Variants in SPOCK1 observed in about 807,000 individuals in gnomAD.
SPOCK1 encodes testican-1.
SPOCK1 carries 23 observed loss-of-function variants against 55.3 expected under a neutral mutation model. That is an observed-to-expected ratio of 0.42 (90% CI 0.30 to 0.59). The LOEUF (loss-of-function observed/expected upper bound fraction) is 0.59. Among genes scored for constraint, SPOCK1 ranks in the 20% least tolerant of loss-of-function variants. SPOCK1 has a pLI of 0.22. For synonymous variants in SPOCK1, 226 were observed against 221.0 expected, an observed-to-expected ratio of 1.02 and a Z score of -0.20; for missense variants, 499 against 552.5, an observed-to-expected ratio of 0.90 and a Z score of 0.97.
intron 5 of SPOCK1, among the ~76,000 whole-genome samples, chr5:137,075,173 C>T (rs1015557979): frequency 1.7e-4 from 26 of 152,300 alleles, no homozygotes; most frequent in African/African-American, 6.3e-4. Context: ...GCATTCATTG[C>T]ATTATTCTTT....
At chr5:137,175,679 AG>A (rs1754839688) in intron 3 of SPOCK1, among the ~76,000 whole-genome samples, 1 of 152,212 alleles carries the variant, frequency 6.6e-6, no homozygotes, top group Admixed American at 6.5e-5. Context: ...AAATAATTAT[AG>A]CTATCTCGCT....
At chr5:137,067,623 G>C in intron 6 of SPOCK1, 92 bp downstream of exon 6, 3 of 1,094,660 alleles carry the variant, frequency 2.7e-6, no homozygotes, top group Non-Finnish European at 4.1e-6. Context: ...TCTCCAGTTT[G>C]TTCCTAGTGC....
intron 2 of SPOCK1, among the ~76,000 whole-genome samples, chr5:137,476,376 G>A (rs545197607): frequency 1.2e-4 from 18 of 152,226 alleles, no homozygotes; most frequent in South Asian, 1.0e-3. Flanking sequence ...TACCCTTTTC[G>A]AAATATTTTG....
intron 3 of SPOCK1, among the ~76,000 whole-genome samples, chr5:137,242,508 A>G (rs1300927946): frequency 6.6e-6 from 1 of 152,174 alleles, no homozygotes; most frequent in African/African-American, 2.4e-5. Flanking sequence ...TTTTCTTTAT[A>G]AATTACCTAG....
intron 3 of SPOCK1, among the ~76,000 whole-genome samples, chr5:137,160,365 AATAT>A (rs1453923698): frequency 7.5e-6 from 1 of 133,426 alleles, no homozygotes; most frequent in African/African-American, 2.8e-5. Context: ...TAAATATATA[AATAT>A]ATAAAATATT....
chr5:137,433,847 T>C (rs905057208), intron 2 of SPOCK1, among the ~76,000 whole-genome samples: 2 of 151,398 alleles, frequency 1.3e-5, no homozygotes, highest in Admixed American at 6.6e-5. Context: ...GCAAGTACAC[T>C]AGCACAAATA....
chr5:137,344,769 G>A (rs1440594007), intron 2 of SPOCK1, among the ~76,000 whole-genome samples: 1 of 152,186 alleles, frequency 6.6e-6, no homozygotes, highest in Admixed American at 6.5e-5. Flanking sequence ...CAGGTTTCTG[G>A]ATTCTACCGA....
At chr5:137,477,908 T>C (rs1186243203) in intron 2 of SPOCK1, among the ~76,000 whole-genome samples, 1 of 152,228 alleles carries the variant, frequency 6.6e-6, no homozygotes, top group Admixed American at 6.5e-5. Context: ...GTCAACTTGC[T>C]GGCTGCTGAG....
intron 3 of SPOCK1, among the ~76,000 whole-genome samples, chr5:137,154,993 C>G (rs1754387864): frequency 2.0e-5 from 3 of 152,192 alleles, no homozygotes; most frequent in African/African-American, 7.2e-5. Context: ...CACTGTGTGA[C>G]CTTGGGCAAG....
intron 6 of SPOCK1, among the ~76,000 whole-genome samples, chr5:137,040,531 A>G (rs1751976281): frequency 6.6e-6 from 1 of 152,242 alleles, no homozygotes; most frequent in Non-Finnish European, 1.5e-5. Context: ...GACGTTTAGC[A>G]ATACCCAATT....
intron 4 of SPOCK1, among the ~76,000 whole-genome samples, chr5:137,114,581 C>T (rs779296941): frequency 2.1e-4 from 32 of 152,142 alleles, no homozygotes; most frequent in Non-Finnish European, 4.6e-4. Flanking sequence ...ATCAAACATA[C>T]GGTACTCTTT....
At chr5:137,030,888 T>C (rs887128110) in intron 6 of SPOCK1, among the ~76,000 whole-genome samples, 1 of 152,144 alleles carries the variant, frequency 6.6e-6, no homozygotes, top group African/African-American at 2.4e-5. Flanking sequence ...CCCTTTAAAA[T>C]CAATTCCTCA....
chr5:137,067,498 C>G (rs989621062), intron 6 of SPOCK1, among the ~76,000 whole-genome samples: 5 of 152,182 alleles, frequency 3.3e-5, no homozygotes, highest in African/African-American at 1.2e-4. Flanking sequence ...TAGTGGATAT[C>G]CTGGTCTAAC....
chr5:137,067,954 C>T (rs1752542486), intron 5 of SPOCK1, 125 bp from the exon 6 acceptor site: 3 of 688,660 alleles, frequency 4.4e-6, no homozygotes, highest in Non-Finnish European at 7.6e-6. Flanking sequence ...AGGTCGACCT[C>T]AGGTAGAGGT....
intron 2 of SPOCK1, among the ~76,000 whole-genome samples, chr5:137,271,530 G>A (rs1370197589): frequency 1.3e-5 from 2 of 151,832 alleles, no homozygotes; most frequent in African/African-American, 4.8e-5. Context: ...AAATATTCTT[G>A]CTATAATTTG....
At chr5:137,162,271 G>A (rs947228353) in intron 3 of SPOCK1, among the ~76,000 whole-genome samples, 24 of 151,614 alleles carry the variant, frequency 1.6e-4, no homozygotes, top group Non-Finnish European at 3.4e-4. Flanking sequence ...CCGACTAGCT[G>A]GGGCTACAGG....
In SPOCK1 at chr5:137,391,996, C is replaced by T. The variant is rs553389801; in HGVS notation, c.186+106377G>A. Among the ~76,000 whole-genome samples the T allele has an allele frequency of 3.5e-4, 53 of 152,302 alleles. 1 individual carries two copies. In the South Asian group the frequency reaches 0.011, roughly 31 times the overall value. ...GCCCTCTCCAACACCTTCACACTGACCTCCACACTGCCAAATCCTAGAACT... is the reference window on the plus strand; with the variant it reads ...GCCCTCTCCAACACCTTCACACTGATCTCCACACTGCCAAATCCTAGAACT... On this transcript the variant is annotated intron_variant, in intron 2 of 10. Transcript: ENST00000394945.
chr5:137,343,685 T>C (rs769315787), intron 2 of SPOCK1, among the ~76,000 whole-genome samples: 8 of 152,196 alleles, frequency 5.3e-5, no homozygotes, highest in Non-Finnish European at 8.8e-5. Flanking sequence ...ACCCTCTACT[T>C]TTAGGGAACA....
chr5:137,299,819 C>T (rs1580853910), intron 2 of SPOCK1, among the ~76,000 whole-genome samples: 1 of 152,066 alleles, frequency 6.6e-6, no homozygotes, highest in African/African-American at 2.4e-5. Context: ...TCTCTGGCTG[C>T]TTTAAAACTT....
Sources: gnomAD v4.1 joint callset for allele counts (sites outside exome capture counted in the v4.1 genomes callset) on GRCh38, gnomAD v4.1.1 for gene constraint, MANE v1.5 for transcripts, NCBI Gene and HGNC (gene_info 2026-07-23, HGNC 2026-07-21) for gene names.